The following CNTN6 variants were observed in gnomAD, a reference collection of about 807,000 sequenced individuals.
The protein encoded by CNTN6 is contactin 6, also known as contactin-6.
A neutral mutation model predicts 122.8 loss-of-function variants in CNTN6; 137 were observed. The observed-to-expected ratio is 1.12, with a 90% confidence interval of 0.97 to 1.29. CNTN6 has a LOEUF of 1.29. Among genes scored for constraint, CNTN6 ranks in the 50% most tolerant of loss-of-function variants. The pLI is 0.00. For synonymous variants in CNTN6, 570 were observed against 426.0 expected (o/e 1.34, Z -4.16); for missense variants, 1,634 against 1,223.4 (o/e 1.34, Z -5.01).
intron 5 of CNTN6, among the ~76,000 whole-genome samples, chr3:1,285,742 C>G (rs17037155): frequency 0.057 from 8,698 of 152,242 alleles, 837 homozygotes; most frequent in African/African-American, 0.2. Context: ...AAGATCCTGT[C>G]TAAACATCAG....
chr3:1,186,843 G>GA (rs371649586), intron 2 of CNTN6, among the ~76,000 whole-genome samples: 3,376 of 140,658 alleles, frequency 0.024, 116 homozygotes, highest in African/African-American at 0.079. Context: ...GGGGTTAAAA[G>GA]AAAAAAAAAA....
chr3:1,287,281 T>G (rs9851949), intron 5 of CNTN6, among the ~76,000 whole-genome samples: 7 of 152,174 alleles, frequency 4.6e-5, no homozygotes, highest in African/African-American at 1.4e-4. Context: ...TTAAGATGTT[T>G]AGTAATATCC....
intron 1 of CNTN6, among the ~76,000 whole-genome samples, chr3:1,138,841 T>A (rs1034251898): frequency 6.6e-6 from 1 of 151,996 alleles, no homozygotes; most frequent in Non-Finnish European, 1.5e-5. Context: ...TATATCTATA[T>A]AATTATATGT....
At chr3:1,353,973 CA>C (rs1706110578) in intron 12 of CNTN6, among the ~76,000 whole-genome samples, 1 of 151,390 alleles carries the variant, frequency 6.6e-6, no homozygotes, top group Admixed American at 6.6e-5. Context: ...TGTTAAAATA[CA>C]ATGATGGGGA....
intron 1 of CNTN6, among the ~76,000 whole-genome samples, chr3:1,132,868 G>A (rs958140353): frequency 1.3e-5 from 2 of 151,988 alleles, no homozygotes; most frequent in Admixed American, 1.3e-4. Context: ...TTATGTGTCT[G>A]CTTTCAAGGA....
At chr3:1,384,788 TATATATATACAC>T (rs1214796130) in intron 19 of CNTN6, among the ~76,000 whole-genome samples, 12 of 129,478 alleles carry the variant, frequency 9.3e-5, no homozygotes, top group African/African-American at 3.6e-4. Context: ...TATATATATA[TATATATATACAC>T]ACACACACAC....
At position 1,220,931 on chromosome 3, in the gene CNTN6, C is replaced by G; in HGVS notation, c.182+118C>G. The G allele has an allele frequency of 5.5e-6, 6 of 1,084,364 alleles. No individual in the cohort carries two copies. The South Asian group carries it at 9.3e-5, about 17-fold the overall frequency. The allele number at this position is 1,084,364 out of a possible 1,614,324, so 67.2% of individuals were successfully genotyped here. A position where few individuals can be genotyped will look rare whatever the true frequency, so the allele number is the denominator to read the frequency against. On this transcript the variant is annotated intron_variant, in intron 3 of 22. Transcript: ENST00000446702. Reference sequence around the variant, plus strand: ...TTGTAGTGTACAGCTCAAGGAATTTCTCTACGGGTATGCAGCCATGTGACA... The same window carrying G: ...TTGTAGTGTACAGCTCAAGGAATTTGTCTACGGGTATGCAGCCATGTGACA...
chr3:1,380,133 C>G (rs1006274404), intron 17 of CNTN6, among the ~76,000 whole-genome samples: 2 of 152,156 alleles, frequency 1.3e-5, no homozygotes, highest in Non-Finnish European at 2.9e-5. Flanking sequence ...GTCAATGTCA[C>G]TCCTGTTGTA....
chr3:1,386,903 C>A (rs34426654), intron 20 of CNTN6, among the ~76,000 whole-genome samples: 1 of 151,602 alleles, frequency 6.6e-6, no homozygotes, highest in South Asian at 2.1e-4. Context: ...TCCCCTTATG[C>A]GTATATATGC....
Position 1,227,941 on chromosome 3 carries a change from C to T in CNTN6, c.306C>T (p.Ala102=). 2 of 1,614,058 alleles carry T rather than the reference C, an allele frequency of 1.2e-6. No individual in the cohort carries two copies. The highest frequency in any genetic ancestry group is 1.7e-6 in the Non-Finnish European group (2 of 1,179,966). ...ATATTGGCATGTACCAGTGCCTGGC[C>T]ACCAATCTTCTGGGGACAATTCTGA... ...DQDIGMYQCL[A]TNLLGTILSR... is the part of the protein sequence containing the mutation. The change falls in exon 4 of 23, where the codon GCC becomes GCT. Residue 102 remains alanine (A), a synonymous_variant. Coordinates refer to ENST00000446702, the MANE Select transcript of CNTN6 (RefSeq NM_001289080.2).
At chr3:1,210,672 G>C (rs996863758) in intron 2 of CNTN6, among the ~76,000 whole-genome samples, 1 of 152,132 alleles carries the variant, frequency 6.6e-6, no homozygotes, top group African/African-American at 2.4e-5. Context: ...TTGAATGCCA[G>C]CTCTGGACTA....
intron 12 of CNTN6, among the ~76,000 whole-genome samples, chr3:1,368,272 G>C (rs895534545): frequency 6.6e-6 from 1 of 152,152 alleles, no homozygotes; most frequent in African/African-American, 2.4e-5. Context: ...AAGTTACAGT[G>C]TATGTCAGAG....
At chr3:1,273,138 A>G (rs1442032943) in intron 4 of CNTN6, among the ~76,000 whole-genome samples, 1 of 152,204 alleles carries the variant, frequency 6.6e-6, no homozygotes, top group Admixed American at 6.5e-5. Flanking sequence ...AGCCATGGCC[A>G]TCAGAATGGC....
intron 11 of CNTN6, among the ~76,000 whole-genome samples, chr3:1,343,174 C>T (rs1287426625): frequency 6.6e-6 from 1 of 152,142 alleles, no homozygotes; most frequent in African/African-American, 2.4e-5. Flanking sequence ...TGTAAAAATA[C>T]ATTGTATAAT....
rs769902683 is a variant in CNTN6 at position 1,382,944 on chromosome 3, A to G, written c.2169A>G (p.Ser723=). ...TGATTGATCACATTCTGCCCAAGTC[A>G]ATTCCAGAAGAACTGCAGAATGGGG... ...SRSELVITWE[S]IPEELQNGEG... The change falls in exon 18 of 23, where the codon TCA becomes TCG. Residue 723 remains serine, a splice_region_variant and synonymous_variant. Transcript: ENST00000446702. The G allele has an allele frequency of 6.2e-7, 1 of 1,611,928 alleles. No homozygotes were observed. The highest frequency in any genetic ancestry group is 8.5e-7 in the Non-Finnish European group (1 of 1,178,114).
chr3:1,114,017 T>C (rs913190818), intron 1 of CNTN6, among the ~76,000 whole-genome samples: 1 of 152,174 alleles, frequency 6.6e-6, no homozygotes, highest in African/African-American at 2.4e-5. Context: ...GCTACTGTGA[T>C]AGCACAAGTA....
At chr3:1,353,140 A>G (rs1705929100) in intron 12 of CNTN6, among the ~76,000 whole-genome samples, 1 of 151,594 alleles carries the variant, frequency 6.6e-6, no homozygotes, top group East Asian at 1.9e-4. Flanking sequence ...ATTTTGTTGA[A>G]TCTCAGCTCA....
intron 11 of CNTN6, among the ~76,000 whole-genome samples, chr3:1,336,872 C>T (rs1392884365): frequency 2.6e-5 from 4 of 151,900 alleles, no homozygotes; most frequent in Non-Finnish European, 2.9e-5. Context: ...GGGAAAACTA[C>T]ACAAGGAAGG....
At chr3:1,313,354 A>G (rs897074125) in intron 7 of CNTN6, among the ~76,000 whole-genome samples, 3 of 152,064 alleles carry the variant, frequency 2.0e-5, no homozygotes, top group African/African-American at 7.2e-5. Flanking sequence ...AAATTCTTAG[A>G]GAATCTTTGG....
Sources: allele counts gnomAD v4.1 joint callset (sites outside exome capture counted in the v4.1 genomes callset), GRCh38; gene constraint gnomAD v4.1.1; transcripts MANE v1.5; gene names NCBI Gene and HGNC (gene_info 2026-07-23, HGNC 2026-07-21).